The following ARMH4 variants were observed in gnomAD, a reference collection of about 807,000 sequenced individuals.
The protein encoded by ARMH4 is armadillo-like helical domain-containing protein 4.
In ARMH4, 49 loss-of-function variants were observed where a neutral mutation model predicts 61.9. That is an observed-to-expected ratio of 0.79 (90% CI 0.63 to 1.00). The LOEUF (loss-of-function observed/expected upper bound fraction) is 1.00, where lower values mean the gene tolerates loss of function less well. Among genes scored for constraint, ARMH4 ranks in the 50% least tolerant of loss-of-function variants. The pLI, the probability that ARMH4 is intolerant of heterozygous loss-of-function variation, is 0.00. For missense variants in ARMH4, 934 were observed against 930.0 expected (o/e 1.00, Z -0.06); for synonymous variants, 368 against 341.5 (o/e 1.08, Z -0.85).
At chr14:58,082,567 T>C (rs1885261605) in intron 5 of ARMH4, among the ~76,000 whole-genome samples, 1 of 152,194 alleles carries the variant, frequency 6.6e-6, no homozygotes, top group African/African-American at 2.4e-5. Flanking sequence ...GCCTCTCAAC[T>C]GCCACCCTGC....
At chr14:58,040,038 G>A (rs938103370) in intron 5 of ARMH4, among the ~76,000 whole-genome samples, 4 of 152,012 alleles carry the variant, frequency 2.6e-5, no homozygotes, top group African/African-American at 7.2e-5. Context: ...CAACAACAAC[G>A]AAAAGGAAAT....
intron 5 of ARMH4, among the ~76,000 whole-genome samples, chr14:58,068,329 A>G (rs971671630): frequency 6.6e-6 from 1 of 152,008 alleles, no homozygotes; most frequent in African/African-American, 2.4e-5. Flanking sequence ...TATATTGATC[A>G]CTATTCAATG....
intron 4 of ARMH4, among the ~76,000 whole-genome samples, chr14:58,124,960 T>C (rs376038451): frequency 6.6e-6 from 1 of 152,182 alleles, no homozygotes. Flanking sequence ...TAGTCCTCCA[T>C]GCCCATGCAG....
intron 4 of ARMH4, among the ~76,000 whole-genome samples, chr14:58,101,761 C>T (rs1885984916): frequency 6.6e-6 from 1 of 151,978 alleles, no homozygotes; most frequent in Admixed American, 6.6e-5. Context: ...GCCCAGACAC[C>T]ATGGACATGA....
At chr14:58,131,379 C>A (rs543586129) in intron 4 of ARMH4, 133 bp downstream of exon 4, 64 of 631,378 alleles carry the variant, frequency 1.0e-4, no homozygotes, top group African/African-American at 9.8e-4. Flanking sequence ...CCAGATTTGG[C>A]CCAGCTGTAG....
chr14:58,067,584 G>C (rs1283503423), intron 5 of ARMH4, among the ~76,000 whole-genome samples: 1 of 152,212 alleles, frequency 6.6e-6, no homozygotes, highest in East Asian at 1.9e-4. Flanking sequence ...CCAAGTGTTT[G>C]TGCGGTCTGC....
intron 4 of ARMH4, chr14:58,101,445 G>C (rs1191456181): frequency 6.6e-6 from 1 of 152,252 alleles, no homozygotes; most frequent in African/African-American, 2.4e-5. Flanking sequence ...GAGCAGGAAA[G>C]CAACAGCAGC....
intron 5 of ARMH4, among the ~76,000 whole-genome samples, chr14:58,032,722 AG>A (rs1883297457): frequency 2.0e-5 from 3 of 151,656 alleles, no homozygotes; most frequent in Non-Finnish European, 2.9e-5. Flanking sequence ...AAGCAGGGTG[AG>A]GCATTGCCTC....
At position 58,005,156 on chromosome 14, in the gene ARMH4, C is replaced by A; in HGVS notation, c.2148G>T (p.Val716=). The change falls in exon 7 of 8, where the codon GTG becomes GTT. Residue 716 remains valine, a synonymous_variant. Transcript: ENST00000267485. ...DKAGYMSGML[V]PVGVGIAGAL... is the part of the protein sequence containing the mutation. The stretch of plus-strand genomic sequence containing the variant: ...CTCCAGCTATCCCAACCCCTACAGG[C>A]ACCAGCATCCCAGACATGTAACCAG... The A allele has an allele frequency of 6.2e-7, 1 of 1,613,958 alleles. No individual in the cohort carries two copies. The highest frequency in any genetic ancestry group is 8.5e-7 in the Non-Finnish European group (1 of 1,179,914).
intron 5 of ARMH4, among the ~76,000 whole-genome samples, chr14:58,025,082 G>C (rs746531669): frequency 1.3e-5 from 2 of 152,136 alleles, no homozygotes; most frequent in Non-Finnish European, 1.5e-5. Flanking sequence ...CAACAGACTG[G>C]TTGAGTGCAG....
intron 4 of ARMH4, among the ~76,000 whole-genome samples, chr14:58,119,009 TAGA>T (rs1566588766): frequency 6.6e-6 from 1 of 152,204 alleles, no homozygotes; most frequent in African/African-American, 2.4e-5. Context: ...GCTGTTTTAA[TAGA>T]AGAAGAAATT....
Position 58,138,632 on chromosome 14 carries a change from CT to C in ARMH4, c.726del (p.Ala243GlnfsTer18), listed in dbSNP as rs1283935571. 1 of 1,614,194 alleles carries C rather than the reference CT, an allele frequency of 6.2e-7. No homozygotes were observed. Among genetic ancestry groups the C allele is most frequent in the Admixed American group, 1.7e-5 (1 of 60,032 alleles). On this transcript the variant is annotated frameshift_variant, in exon 2 of 8. Transcript: ENST00000267485. LOFTEE classifies it high-confidence loss of function. ...RTTSFPGAES[T>X]AGSEPGSLTP... ...GTGAGGCTTCCAGGCTCACTGCCTG[CT>C]GTGGACTCAGCACCAGGAAAAGAAG...
chr14:58,082,189 C>A (rs1885250560), intron 5 of ARMH4, among the ~76,000 whole-genome samples: 1 of 152,202 alleles, frequency 6.6e-6, no homozygotes, highest in Non-Finnish European at 1.5e-5. Flanking sequence ...CAAGAACACT[C>A]TGGGTTTTCA....
At chr14:58,091,458 G>C (rs1290603319) in intron 5 of ARMH4, among the ~76,000 whole-genome samples, 1 of 151,804 alleles carries the variant, frequency 6.6e-6, no homozygotes, top group East Asian at 1.9e-4. Context: ...TTGTTTTGAG[G>C]GGAAAAAAAT....
At chr14:58,041,479 A>G (rs1470935432) in intron 5 of ARMH4, among the ~76,000 whole-genome samples, 6 of 152,234 alleles carry the variant, frequency 3.9e-5, no homozygotes, top group Non-Finnish European at 7.3e-5. Context: ...GGTACCAGCC[A>G]CTGCAAAAAT....
At position 58,032,044 on chromosome 14, in the gene ARMH4, C is replaced by A. The variant is rs184349509; in HGVS notation, c.2090-19894G>T. Among the ~76,000 whole-genome samples, 161 of 152,286 alleles carry A rather than the reference C, an allele frequency of 1.1e-3. 1 individual carries two copies. Among genetic ancestry groups the A allele is most frequent in the Non-Finnish European group, 1.8e-3 (123 of 68,020 alleles). Reference sequence around the variant, plus strand: ...TGAGTGCCCCACTTCCAAACCTTCACACTTATTCTTCCTTCTGTCTTCACC... The same window carrying A: ...TGAGTGCCCCACTTCCAAACCTTCAAACTTATTCTTCCTTCTGTCTTCACC... On this transcript the variant is annotated intron_variant, in intron 5 of 7. Coordinates refer to ENST00000267485, the MANE Select transcript of ARMH4 (RefSeq NM_001001872.4).
At chr14:58,017,645 T>G (rs1329195352) in intron 5 of ARMH4, among the ~76,000 whole-genome samples, 1 of 152,172 alleles carries the variant, frequency 6.6e-6, no homozygotes, top group Non-Finnish European at 1.5e-5. Context: ...CACAAATAAA[T>G]GGAAAGATAC....
chr14:58,119,845 C>A (rs1354084757), intron 4 of ARMH4, among the ~76,000 whole-genome samples: 2 of 152,116 alleles, frequency 1.3e-5, no homozygotes, highest in African/African-American at 4.8e-5. Flanking sequence ...GTTGATTGCA[C>A]GGCTATAAAA....
In ARMH4 at chr14:58,004,810, G is replaced by A. The variant is rs1283060642; in HGVS notation, c.2257-6C>T. ...ATGCTGTTGAATTCTCTCTGCTAGAGAAAGAAAACAGAAAAGCATTAAACT... is the reference window on the plus strand; with the variant it reads ...ATGCTGTTGAATTCTCTCTGCTAGAAAAAGAAAACAGAAAAGCATTAAACT... On this transcript the variant is annotated splice_region_variant and splice_polypyrimidine_tract_variant and intron_variant, in intron 7 of 7. Coordinates refer to ENST00000267485, the MANE Select transcript of ARMH4 (RefSeq NM_001001872.4). 6.2e-7 allele frequency: 1 copy of A among 1,607,396 alleles called. No homozygotes were observed. The highest frequency in any genetic ancestry group is 1.1e-5 in the South Asian group (1 of 90,836).
Sources: allele counts gnomAD v4.1 joint callset (sites outside exome capture counted in the v4.1 genomes callset), GRCh38; gene constraint gnomAD v4.1.1; transcripts MANE v1.5; gene names NCBI Gene and HGNC (gene_info 2026-07-23, HGNC 2026-07-21).